Variants in TRIM37 observed in about 807,000 individuals in gnomAD.
TRIM37 encodes tripartite motif containing 37.
In TRIM37, 80 loss-of-function variants were observed where a neutral mutation model predicts 129.8. The observed-to-expected ratio is 0.62, with a 90% CI of 0.51 to 0.74. The LOEUF is 0.74. TRIM37 is among the 30% of genes least tolerant of loss of function. TRIM37 has a pLI of 0.00. For synonymous variants in TRIM37, 389 were observed against 387.1 expected (o/e 1.00, Z -0.06); for missense variants, 1,054 against 1,176.5 (o/e 0.90, Z 1.52).
downstream of TRIM37, chr17:58,982,496 C>T (rs951708683): frequency 2.9e-4 from 47 of 163,484 alleles, no homozygotes; most frequent in Admixed American, 9.1e-4. Context: ...AAGTGTCCCC[C>T]GCCTAATCAT....
rs2035859279 is a variant in TRIM37 at position 59,015,817 on chromosome 17, T to C, written c.2387-18A>G. 5 of 1,610,588 alleles carry C rather than the reference T, an allele frequency of 3.1e-6. No individual in the cohort carries two copies. The highest frequency in any genetic ancestry group is 1.3e-5 in the African/African-American group (1 of 74,686). ...TGGGGAGCCTTCAAAAAAAGGAAGA[T>C]GGAATACAAAAATTAGCTGGGCATG... On this transcript the variant is annotated intron_variant, in intron 20 of 23. Transcript: ENST00000262294.
chr17:58,981,292 A>C, downstream of TRIM37: 2 of 377,474 alleles, frequency 5.3e-6, no homozygotes, highest in East Asian at 4.7e-5. Context: ...CCTTCCCACC[A>C]TCCTTCATGT....
At chr17:59,029,480 T>C (rs1175692861) in intron 18 of TRIM37, among the ~76,000 whole-genome samples, 1 of 152,206 alleles carries the variant, frequency 6.6e-6, no homozygotes, top group African/African-American at 2.4e-5. Flanking sequence ...CCTTAAAATC[T>C]GGTTCAACTA....
intron 24 of TRIM37, among the ~76,000 whole-genome samples, chr17:58,992,540 C>T (rs1440299316): frequency 6.6e-6 from 1 of 151,782 alleles, no homozygotes; most frequent in Non-Finnish European, 1.5e-5. Context: ...GCCACCACGC[C>T]TGGCTAGTTT....
the TRIM37 span, chr17:58,972,980 T>C: frequency 4.0e-6 from 5 of 1,257,088 alleles, no homozygotes; most frequent in Non-Finnish European, 5.8e-6. Context: ...CTCATTCTCC[T>C]GTATCAACTC....
rs1324293058 is a variant in TRIM37, at chr17:58,998,940, T to C, written c.*437A>G. The C allele has an allele frequency of 9.7e-7, 1 of 1,032,686 alleles. No individual in the cohort carries two copies. Among genetic ancestry groups the C allele is most frequent in the Non-Finnish European group, 1.2e-6 (1 of 858,012 alleles). The allele number at this position is 1,032,686 out of a possible 1,614,324, so 64.0% of individuals were successfully genotyped here. A position where few individuals can be genotyped will look rare whatever the true frequency, so the allele number is the denominator to read the frequency against. On this transcript the variant is annotated 3_prime_UTR_variant, in exon 24 of 24. Transcript: ENST00000262294. ...ACTAATCTACAGGCACTAATGGAACTGTAATTAAAACCCCAAATATAAAGA... is the reference window on the plus strand; with the variant it reads ...ACTAATCTACAGGCACTAATGGAACCGTAATTAAAACCCCAAATATAAAGA...
At chr17:59,096,360 T>G (rs893398040) in intron 2 of TRIM37, among the ~76,000 whole-genome samples, 1 of 151,832 alleles carries the variant, frequency 6.6e-6, no homozygotes, top group Non-Finnish European at 1.5e-5. Flanking sequence ...GAGACCAGCC[T>G]GGCCAACATG....
chr17:59,031,365 TC>T (rs2145598896), intron 18 of TRIM37, among the ~76,000 whole-genome samples: 1 of 152,340 alleles, frequency 6.6e-6, no homozygotes, highest in South Asian at 2.1e-4. Flanking sequence ...AATGACTCTA[TC>T]CCCGAGAGTT....
intron 3 of TRIM37, among the ~76,000 whole-genome samples, chr17:59,090,499 A>G (rs1289639663): frequency 2.6e-5 from 4 of 152,324 alleles, no homozygotes; most frequent in African/African-American, 9.6e-5. Context: ...ATTTCTTCTG[A>G]AAGTATTATT....
At chr17:59,028,830 T>C (rs1276995883) in intron 18 of TRIM37, 107 bp from the exon 19 acceptor site, 1 of 1,164,852 alleles carries the variant, frequency 8.6e-7, no homozygotes, top group Non-Finnish European at 1.3e-6. Context: ...TAGCGTGCTT[T>C]ACGTGGTATC....
At chr17:59,056,201 A>C (rs1348524062) in intron 13 of TRIM37, among the ~76,000 whole-genome samples, 6 of 149,208 alleles carry the variant, frequency 4.0e-5, no homozygotes, top group African/African-American at 1.5e-4. Flanking sequence ...TTTCCCACCC[A>C]CCCCCTTTTT....
chr17:59,062,691 T>C (rs770961131), intron 10 of TRIM37, 43 bp from the exon 11 acceptor site: 7 of 1,548,298 alleles, frequency 4.5e-6, no homozygotes, highest in East Asian at 4.5e-5. Flanking sequence ...ATCAAAACTG[T>C]TGTGAAATGG....
rs1253994213 is a variant in TRIM37 at position 59,028,649 on chromosome 17, G to A, written c.2023C>T (p.Leu675=). 6.2e-7 allele frequency: 1 copy of A among 1,614,156 alleles called. No homozygotes were observed. Among genetic ancestry groups the A allele is most frequent in the South Asian group, 1.1e-5 (1 of 91,076 alleles). ...MWRVPSDLKM[L]KRLKTQMAEV... ...GCCATTTGAGTTTTGAGTCTTTTTA[G>A]CATCTTTAAATCAGAGGGCACTCGC... Residue 675 remains leucine (L), a synonymous_variant, in exon 19 of 24, where the codon CTA becomes TTA. Coordinates refer to ENST00000262294, the MANE Select transcript of TRIM37 (RefSeq NM_015294.6).
At chr17:58,996,297 C>A (rs369139883), downstream of TRIM37, among the ~76,000 whole-genome samples, 5 of 151,510 alleles carry the variant, frequency 3.3e-5, no homozygotes, top group African/African-American at 1.2e-4. Flanking sequence ...ATGGTGAAAC[C>A]CCATCTCTAC....
chr17:58,998,461 G>A lies in TRIM37; in HGVS notation c.*916C>T. The A allele has an allele frequency of 6.1e-6, 6 of 985,362 alleles. No homozygotes were observed. Among genetic ancestry groups the A allele is most frequent in the Non-Finnish European group, 7.2e-6 (6 of 829,924 alleles). 61.0% of individuals were successfully genotyped at this position (985,362 alleles called of 1,614,324 possible). A position where few individuals can be genotyped will look rare whatever the true frequency, so the allele number is the denominator to read the frequency against. ...TGCAGGAGCACAATGGCAAAGTTTG[G>A]CAACTGTTTTGGGCTAATTATGAGT... On this transcript the variant is annotated 3_prime_UTR_variant, in exon 24 of 24. Coordinates refer to ENST00000262294, the MANE Select transcript of TRIM37 (RefSeq NM_015294.6).
chr17:59,031,917 C>G lies in TRIM37; in HGVS notation c.1927G>C (p.Ala643Pro). The G allele has an allele frequency of 1.2e-6, 2 of 1,614,002 alleles. No homozygotes were observed. Among genetic ancestry groups the G allele is most frequent in the Non-Finnish European group, 1.7e-6 (2 of 1,179,940 alleles). ...TTACCTGTGGGCTGCAGAAGTGAAG[C>G]AGGTGGGCGAGGCTGTAAGCCCCAC... is the stretch of plus-strand genomic sequence containing the variant. ...NLWGLQPRPPASLLQPTASYS... is the reference protein window; with the variant it reads ...NLWGLQPRPPPSLLQPTASYS... Residue 643 changes from alanine (A) to proline (P), a missense_variant, in exon 18 of 24, where the codon GCT becomes CCT. Ala to Pro is a conservative substitution (Grantham distance 27). Transcript: ENST00000262294.
downstream of TRIM37, chr17:58,981,014 A>G: frequency 6.2e-7 from 1 of 1,600,216 alleles, no homozygotes; most frequent in Non-Finnish European, 8.5e-7. Flanking sequence ...TCTTCCTTGG[A>G]GCTATAAAAT....
intron 2 of TRIM37, 125 bp from the exon 3 acceptor site, chr17:59,091,465 A>T: frequency 5.8e-6 from 1 of 173,464 alleles, no homozygotes; most frequent in Non-Finnish European, 1.2e-5. Context: ...ATAAATATAT[A>T]ATATTCATAA....
intron 1 of TRIM37, 32 bp downstream of exon 1, chr17:59,106,409 G>A (rs1372407901): frequency 6.2e-7 from 1 of 1,613,846 alleles, no homozygotes; most frequent in Non-Finnish European, 8.5e-7. Flanking sequence ...GGTGGGGGCG[G>A]GGACTAACCA....
Sources: allele counts gnomAD v4.1 joint callset (sites outside exome capture counted in the v4.1 genomes callset), GRCh38; gene constraint gnomAD v4.1.1; transcripts MANE v1.5; gene names NCBI Gene and HGNC (gene_info 2026-07-23, HGNC 2026-07-21).